Variants in ETFA observed in about 807,000 individuals in gnomAD.
ETFA encodes the protein electron transfer flavoprotein subunit alpha, mitochondrial.
A neutral mutation model predicts 46.2 loss-of-function variants in ETFA; 22 were observed. That is an observed-to-expected ratio of 0.48 (90% CI 0.34 to 0.68). The LOEUF is 0.68. Ranked by LOEUF, ETFA falls within the 30% of genes least tolerant of loss-of-function variation. The pLI is 0.01. For missense variants in ETFA, 345 were observed against 401.1 expected, an observed-to-expected ratio of 0.86 and a Z score of 1.19; for synonymous variants, 131 against 139.9, an observed-to-expected ratio of 0.94 and a Z score of 0.45.
intron 1 of ETFA, among the ~76,000 whole-genome samples, chr15:76,302,383 G>A (rs1480730092): frequency 2.0e-5 from 3 of 149,518 alleles, no homozygotes; most frequent in Admixed American, 6.7e-5. Flanking sequence ...ATTACTTAGT[G>A]AAAAAAAAAA....
chr15:76,231,861 T>C (rs188200079), intron 9 of ETFA, among the ~76,000 whole-genome samples: 1 of 152,338 alleles, frequency 6.6e-6, no homozygotes, highest in Non-Finnish European at 1.5e-5. Flanking sequence ...TTTGACTTAG[T>C]TGTTTGGCTT....
intron 9 of ETFA, among the ~76,000 whole-genome samples, chr15:76,237,863 T>A (rs1211306367): frequency 1.3e-5 from 2 of 151,886 alleles, no homozygotes; most frequent in South Asian, 4.2e-4. Context: ...TCCAGGGGAG[T>A]GTACTGGGAA....
chr15:76,269,651 G>A (rs2039508633), intron 9 of ETFA, among the ~76,000 whole-genome samples: 1 of 152,038 alleles, frequency 6.6e-6, no homozygotes, highest in African/African-American at 2.4e-5. Flanking sequence ...TAGCCCCCAT[G>A]GCCTGGTGTT....
At chr15:76,277,033 G>A (rs1044852871) in intron 8 of ETFA, among the ~76,000 whole-genome samples, 5 of 152,214 alleles carry the variant, frequency 3.3e-5, no homozygotes, top group Admixed American at 1.3e-4. Context: ...AAAAGGAAGT[G>A]CTGTCAATAA....
intron 1 of ETFA, among the ~76,000 whole-genome samples, chr15:76,308,532 C>A (rs2039958964): frequency 6.6e-6 from 1 of 152,018 alleles, no homozygotes. Context: ...TGAGGAAACA[C>A]CAGACAAACC....
chr15:76,285,493 T>C (rs2039696580), intron 7 of ETFA, 144 bp downstream of exon 7: 3 of 620,768 alleles, frequency 4.8e-6, no homozygotes, highest in African/African-American at 3.7e-5. Flanking sequence ...ATTTTCCTAA[T>C]TGGTTAAATG....
At chr15:76,290,062 A>C (rs2039744278) in intron 4 of ETFA, among the ~76,000 whole-genome samples, 1 of 152,224 alleles carries the variant, frequency 6.6e-6, no homozygotes, top group African/African-American at 2.4e-5. Flanking sequence ...GGAGGAAAAA[A>C]TGTTAAAATG....
intron 9 of ETFA, chr15:76,260,103 G>A: frequency 6.7e-7 from 1 of 1,488,904 alleles, no homozygotes; most frequent in African/African-American, 1.4e-5. Flanking sequence ...GCTTCAGCTG[G>A]GCCTACCGCA....
intron 9 of ETFA, among the ~76,000 whole-genome samples, chr15:76,262,781 T>C (rs1341484907): frequency 6.6e-6 from 1 of 152,090 alleles, no homozygotes; most frequent in Non-Finnish European, 1.5e-5. Flanking sequence ...ACACCCGGCC[T>C]ATCATAATCA....
chr15:76,282,985 A>G (rs2039669873), intron 8 of ETFA, among the ~76,000 whole-genome samples: 1 of 151,882 alleles, frequency 6.6e-6, no homozygotes, highest in Non-Finnish European at 1.5e-5. Context: ...AAAAAACATC[A>G]CTCCCTTCTC....
chr15:76,224,122 CT>C (rs757739988), intron 11 of ETFA, among the ~76,000 whole-genome samples: 28 of 152,184 alleles, frequency 1.8e-4, no homozygotes, highest in Non-Finnish European at 3.2e-4. Flanking sequence ...TATTTACCCC[CT>C]ATTCACACCA....
chr15:76,224,627 G>A (rs2038986806), intron 11 of ETFA, among the ~76,000 whole-genome samples: 1 of 152,202 alleles, frequency 6.6e-6, no homozygotes, highest in African/African-American at 2.4e-5. Flanking sequence ...TCCTCTTGCT[G>A]AGGGAACCAC....
In ETFA at chr15:76,295,756, A is replaced by G. The variant is rs1261338023; in HGVS notation, c.40-19T>C. On this transcript the variant is annotated intron_variant, in intron 1 of 11. Coordinates refer to ENST00000557943, the MANE Select transcript of ETFA (RefSeq NM_000126.4). ...ATGAGGCCTAAAAAGAGCAAAAAGG[A>G]AAAAAAAAGGTAAAGAATGTTGTCA... 1.1e-5 allele frequency: 17 copies of G among 1,574,796 alleles called. No individual in the cohort carries two copies. The highest frequency in any genetic ancestry group is 1.4e-5 in the Non-Finnish European group (16 of 1,152,906).
chr15:76,307,295 T>G (rs908939305), intron 1 of ETFA, among the ~76,000 whole-genome samples: 1 of 152,188 alleles, frequency 6.6e-6, no homozygotes, highest in Non-Finnish European at 1.5e-5. Context: ...TTATTATAGA[T>G]ATAAAAACTA....
intron 1 of ETFA, among the ~76,000 whole-genome samples, chr15:76,298,104 G>C (rs920710875): frequency 2.0e-5 from 3 of 151,550 alleles, no homozygotes; most frequent in African/African-American, 4.9e-5. Flanking sequence ...GTGCAGTGGC[G>C]TGCTCTTGAC....
intron 9 of ETFA, among the ~76,000 whole-genome samples, chr15:76,264,961 TA>T (rs1032194753): frequency 6.6e-6 from 1 of 152,206 alleles, no homozygotes; most frequent in Non-Finnish European, 1.5e-5. Context: ...ATTCTAAATT[TA>T]GCAAAGATGG....
At chr15:76,297,007 T>C (rs891076867) in intron 1 of ETFA, among the ~76,000 whole-genome samples, 28 of 152,164 alleles carry the variant, frequency 1.8e-4, no homozygotes, top group Admixed American at 1.7e-3. Context: ...ACTATTCTTA[T>C]GGAAAATGGC....
chr15:76,309,213 G>A lies in ETFA; in HGVS notation c.39+2137C>T, dbSNP rs574690710. 5.9e-5 allele frequency among the ~76,000 whole-genome samples: 9 copies of A among 152,298 alleles called. No homozygotes were observed. In the South Asian group the frequency reaches 1.9e-3, roughly 32 times the overall value. On this transcript the variant is annotated intron_variant, in intron 1 of 11. Transcript: ENST00000557943. Reference sequence around the variant, plus strand: ...GCCTGTAATCCCAGCACTTTGGGAGGCCAAGGCGGGCGGATCATGAGGTCA... The same window carrying A: ...GCCTGTAATCCCAGCACTTTGGGAGACCAAGGCGGGCGGATCATGAGGTCA...
chr15:76,288,920 C>CTTTT lies in ETFA; in HGVS notation c.352-979_352-976dup, dbSNP rs35295593. 6.4e-5 allele frequency among the ~76,000 whole-genome samples: 7 copies of CTTTT among 110,118 alleles called. 1 individual carries two copies. Among genetic ancestry groups the CTTTT allele is most frequent in the African/African-American group, 6.7e-5 (2 of 29,810 alleles). The allele number at this position is 110,118 out of a possible 152,430, so 72.2% of individuals were successfully genotyped here. On this transcript the variant is annotated intron_variant, in intron 4 of 11. Transcript: ENST00000557943. ...TCAGTTAATTCTTCTTCTTCTTCTT[C>CTTTT]TTTTTTTTTTTTTTTGGAAACAGGG... is the stretch of plus-strand genomic sequence containing the variant.
Sources: gnomAD v4.1 joint callset for allele counts (sites outside exome capture counted in the v4.1 genomes callset) on GRCh38, gnomAD v4.1.1 for gene constraint, MANE v1.5 for transcripts, NCBI Gene and HGNC (gene_info 2026-07-23, HGNC 2026-07-21) for gene names.